RGS3: variants seen among roughly 807,000 people sequenced by gnomAD.
The protein encoded by RGS3 is regulator of G-protein signalling 3.
RGS3 carries 80 observed loss-of-function variants against 132.6 expected under a neutral mutation model. That is an observed-to-expected ratio of 0.60 (90% confidence interval 0.50 to 0.73). The LOEUF is 0.73. Ranked by LOEUF, RGS3 falls within the 30% of genes least tolerant of loss-of-function variation. The pLI is 0.00. For synonymous variants in RGS3, 598 were observed against 620.6 expected, an observed-to-expected ratio of 0.96 and a Z score of 0.54; for missense variants, 1,382 against 1,530.8, an observed-to-expected ratio of 0.90 and a Z score of 1.62.
chr9:113,517,335 A>G, intron 15 of RGS3: 1 of 680,328 alleles, frequency 1.5e-6, no homozygotes, highest in Non-Finnish European at 2.7e-6. Flanking sequence ...GGTGGCAGCA[A>G]CAGTTCCACA....
intron 3 of RGS3, among the ~76,000 whole-genome samples, chr9:113,470,384 C>T (rs1401299033): frequency 2.6e-5 from 4 of 152,074 alleles, no homozygotes; most frequent in Non-Finnish European, 1.5e-5. Flanking sequence ...TGTCTATTTC[C>T]CATTGCAGTT....
In RGS3 at chr9:113,463,163, G is replaced by T. The variant is rs1829516363; in HGVS notation, c.415+962G>T. Among the ~76,000 whole-genome samples the T allele has an allele frequency of 1.3e-5, 2 of 152,176 alleles. No individual in the cohort carries two copies. The highest frequency in any genetic ancestry group is 4.8e-5 in the African/African-American group (2 of 41,432). On this transcript the variant is annotated intron_variant, in intron 3 of 24. Coordinates refer to ENST00000350696, the Ensembl canonical transcript of RGS3. This position sits in a 1 kb window ranked among gnomAD's most constrained non-coding sequence, Gnocchi z 4.6. ...GCCATCAGGTTGGTTGGAGCAAGCT[G>T]CTCCCATCCGGACCTGTGTCAGGCA...
chr9:113,594,165 T>C, intron 21 of RGS3: 1 of 1,613,086 alleles, frequency 6.2e-7, no homozygotes, highest in South Asian at 1.1e-5. Context: ...CGTGTGTGGC[T>C]GCAGCCTGCA....
intron 14 of RGS3, among the ~76,000 whole-genome samples, chr9:113,510,856 G>A (rs1341630998): frequency 6.6e-6 from 1 of 152,164 alleles, no homozygotes; most frequent in Admixed American, 6.5e-5. Flanking sequence ...CAGGGATCAA[G>A]TCTTTGTAGC....
intron 24 of RGS3, 36 bp downstream of exon 22, chr9:113,595,801 C>G: frequency 1.3e-6 from 2 of 1,599,794 alleles, no homozygotes; most frequent in Non-Finnish European, 1.7e-6. Flanking sequence ...CTCCTCCAAT[C>G]CCCAGGGCCC....
intron 7 of RGS3, 65 bp downstream of exon 5, chr9:113,485,758 C>A: frequency 8.5e-7 from 1 of 1,179,142 alleles, no homozygotes; most frequent in Non-Finnish European, 1.2e-6. Context: ...GCCAGGTGGC[C>A]AGCATACACC....
intron 19 of RGS3, among the ~76,000 whole-genome samples, chr9:113,558,031 G>T (rs936241093): frequency 1.3e-5 from 2 of 152,214 alleles, no homozygotes; most frequent in Non-Finnish European, 2.9e-5. Flanking sequence ...AAGTCGAGAG[G>T]CAGGGAGCAG....
chr9:113,593,880 T>C (rs762272461), intron 21 of RGS3: 10 of 1,557,562 alleles, frequency 6.4e-6, no homozygotes, highest in Non-Finnish European at 8.7e-6. Flanking sequence ...AGCAATTTGC[T>C]GACTTGTCCC....
chr9:113,456,524 T>A (rs1235938084), upstream of RGS3, among the ~76,000 whole-genome samples: 1 of 152,162 alleles, frequency 6.6e-6, no homozygotes, highest in East Asian at 1.9e-4. Flanking sequence ...TCTCTTTCCA[T>A]CCCTATTGCC....
rs569798168 is a variant in RGS3, at chr9:113,481,595, C to T, written c.467-1464C>T. ...TTTTTGCAAAATGCATCTTGGCCTC[C>T]ACCACTCCATTTGTCCTGCACAGTT... On this transcript the variant is annotated intron_variant, in intron 4 of 24. Coordinates refer to ENST00000350696, the Ensembl canonical transcript of RGS3. Among the ~76,000 whole-genome samples, 171 of 152,338 alleles carry T rather than the reference C, an allele frequency of 1.1e-3. 1 individual carries two copies. The highest frequency in any genetic ancestry group is 0.01 in the Middle Eastern group (3 of 294).
intron 7 of RGS3, among the ~76,000 whole-genome samples, chr9:113,493,172 T>G (rs1234053362): frequency 6.6e-6 from 1 of 152,222 alleles, no homozygotes. Flanking sequence ...TCAGATTAGT[T>G]TTGGCTGTTT....
chr9:113,565,434 G>A lies in RGS3; in HGVS notation c.2038-18016G>A, dbSNP rs1833953783. 8.0e-7 allele frequency: 1 copy of A among 1,247,728 alleles called. No individual in the cohort carries two copies. Among genetic ancestry groups the A allele is most frequent in the South Asian group, 1.2e-5 (1 of 80,502 alleles). The allele number at this position is 1,247,728 out of a possible 1,614,324, so 77.3% of individuals were successfully genotyped here. A position where few individuals can be genotyped will look rare whatever the true frequency, so the allele number is the denominator to read the frequency against. ...AGTAGGAGGAGGAGGAAGAGGAGGA[G>A]GGACGGGTGATGCAAGGGTTTTGAA... On this transcript the variant is annotated intron_variant, in intron 19 of 24. Coordinates refer to ENST00000350696, the Ensembl canonical transcript of RGS3. The surrounding 1 kb of genome is among the most constrained non-coding windows in gnomAD (Gnocchi z 5.7).
In RGS3 at chr9:113,506,544, C is replaced by A; in HGVS notation, c.1085+51C>A. 2 of 1,252,638 alleles carry A rather than the reference C, an allele frequency of 1.6e-6. No homozygotes were observed. Among genetic ancestry groups the A allele is most frequent in the Non-Finnish European group, 2.3e-6 (2 of 874,574 alleles). 77.6% of individuals were successfully genotyped at this position (1,252,638 alleles called of 1,614,324 possible). ...GGGCCTCAGGCTGATGGCACACCCT[C>A]CCCACCCCTGGGCACACTGCCTTGC... On this transcript the variant is annotated intron_variant, in intron 12 of 24. Coordinates refer to ENST00000350696, the Ensembl canonical transcript of RGS3. This position sits in a 1 kb window ranked among gnomAD's most constrained non-coding sequence, Gnocchi z 4.7.
exon 20 of RGS3, chr9:113,584,187 T>C: frequency 2.5e-6 from 4 of 1,614,188 alleles, no homozygotes; most frequent in Non-Finnish European, 3.4e-6. Flanking sequence ...GCCAGGGGGC[T>C]GAGGGTGGCC....
chr9:113,520,620 C>T (rs1227012217), intron 16 of RGS3, among the ~76,000 whole-genome samples: 1 of 151,552 alleles, frequency 6.6e-6, no homozygotes, highest in Non-Finnish European at 1.5e-5. Context: ...TGCCAGCCTC[C>T]CTCTGGGTCT....
At chr9:113,521,670 A>G (rs1203782371) in intron 16 of RGS3, among the ~76,000 whole-genome samples, 1 of 152,152 alleles carries the variant, frequency 6.6e-6, no homozygotes, top group Non-Finnish European at 1.5e-5. Flanking sequence ...AATGTTTGTT[A>G]TTTTCTTAAA....
intron 15 of RGS3, 113 bp from the exon 14 acceptor site, chr9:113,517,425 GTCT>G: frequency 2.4e-6 from 2 of 821,752 alleles, no homozygotes; most frequent in Non-Finnish European, 4.2e-6. Flanking sequence ...CGGGCTGACA[GTCT>G]TCTCTGGGTC....
At chr9:113,499,025 G>T (rs1194625395) in intron 10 of RGS3, among the ~76,000 whole-genome samples, 1 of 150,166 alleles carries the variant, frequency 6.7e-6, no homozygotes, top group Admixed American at 6.6e-5. Context: ...TCAAGAGTTC[G>T]AGACCAGCCT....
At chr9:113,564,866 G>GT in intron 19 of RGS3, 2 of 947,398 alleles carry the variant, frequency 2.1e-6, no homozygotes, top group Non-Finnish European at 2.5e-6. Flanking sequence ...AGGAGCCTGG[G>GT]TTCAGTTGCA....
Sources: allele counts gnomAD v4.1 joint callset (sites outside exome capture counted in the v4.1 genomes callset), GRCh38; gene constraint gnomAD v4.1.1; non-coding constraint Gnocchi (gnomAD v3.1); transcripts MANE v1.5; gene names NCBI Gene and HGNC (gene_info 2026-07-23, HGNC 2026-07-21).